Variants in DNAJC5B observed in about 807,000 individuals in gnomAD.
The protein encoded by DNAJC5B is DnaJ heat shock protein family (Hsp40) member C5 beta, also known as dnaJ homolog subfamily C member 5B.
In DNAJC5B, 23 loss-of-function variants were observed where a neutral mutation model predicts 24.7. The observed-to-expected ratio is 0.93, with a 90% CI of 0.67 to 1.32. DNAJC5B has a LOEUF of 1.32. Among genes scored for constraint, DNAJC5B ranks in the 40% most tolerant of loss-of-function variants. The pLI is 0.00. For synonymous variants in DNAJC5B, 101 were observed against 90.1 expected (o/e 1.12, Z -0.68); for missense variants, 238 against 240.8 (o/e 0.99, Z 0.08).
At chr8:66,027,134 G>T (rs1177412369) in intron 1 of DNAJC5B, among the ~76,000 whole-genome samples, 2 of 152,166 alleles carry the variant, frequency 1.3e-5, no homozygotes, top group African/African-American at 4.8e-5. Flanking sequence ...CCAATGCCCT[G>T]TAAGGGTAAA....
intron 2 of DNAJC5B, among the ~76,000 whole-genome samples, chr8:66,047,886 T>C (rs898516301): frequency 6.6e-6 from 1 of 152,158 alleles, no homozygotes; most frequent in African/African-American, 2.4e-5. Flanking sequence ...CTGGTATTCA[T>C]GTATTCATTT....
chr8:66,047,172 G>A (rs565725465), intron 2 of DNAJC5B, among the ~76,000 whole-genome samples: 4 of 152,332 alleles, frequency 2.6e-5, no homozygotes, highest in African/African-American at 4.8e-5. Flanking sequence ...TAGATTAGTC[G>A]AATTTTAACA....
At chr8:66,044,460 G>A (rs1431386872) in intron 2 of DNAJC5B, among the ~76,000 whole-genome samples, 1 of 151,658 alleles carries the variant, frequency 6.6e-6, no homozygotes, top group Admixed American at 6.6e-5. Context: ...ATAGATATAG[G>A]TGAAGCTTCT....
At chr8:66,078,126 C>A (rs6990839) in intron 4 of DNAJC5B, among the ~76,000 whole-genome samples, 48,733 of 152,036 alleles carry the variant, frequency 0.32, 11,710 homozygotes, top group African/African-American at 0.67. Context: ...CTGATGGCAC[C>A]TCAGGGCCTG....
chr8:66,060,482 C>T (rs982623981), intron 3 of DNAJC5B, among the ~76,000 whole-genome samples: 3 of 152,174 alleles, frequency 2.0e-5, no homozygotes, highest in East Asian at 1.9e-4. Context: ...GCCCTAACCC[C>T]GTGCAGTGAA....
chr8:66,027,668 T>A (rs1003565143), intron 1 of DNAJC5B, among the ~76,000 whole-genome samples: 1 of 152,208 alleles, frequency 6.6e-6, no homozygotes, highest in Non-Finnish European at 1.5e-5. Context: ...TTCAAGTATA[T>A]TTAGAATGCA....
chr8:66,041,850 A>G (rs563749090), intron 1 of DNAJC5B, among the ~76,000 whole-genome samples: 1 of 152,332 alleles, frequency 6.6e-6, no homozygotes. Flanking sequence ...GCTTATAGGC[A>G]TGTAATGACG....
intron 5 of DNAJC5B, among the ~76,000 whole-genome samples, chr8:66,097,607 T>G (rs1396648956): frequency 6.6e-6 from 1 of 152,126 alleles, no homozygotes; most frequent in Non-Finnish European, 1.5e-5. Context: ...GCCTGAATTA[T>G]ATCTCTAAAT....
At chr8:66,032,578 C>T (rs1806382523) in intron 1 of DNAJC5B, among the ~76,000 whole-genome samples, 1 of 152,226 alleles carries the variant, frequency 6.6e-6, no homozygotes, top group Non-Finnish European at 1.5e-5. Flanking sequence ...AAACTGCTGT[C>T]CTCAGAGCCA....
rs79224348 is a variant in DNAJC5B at position 66,100,883 on chromosome 8, A to G, written c.*852A>G. ...GTATCACCTCATTTTTGTTAAAATT[A>G]GTTGCCTTGACCAGAAATTGCTCAG... On this transcript the variant is annotated 3_prime_UTR_variant, in exon 6 of 6. Transcript: ENST00000276570. Among the ~76,000 whole-genome samples, 1,554 of 152,322 alleles carry G rather than the reference A, an allele frequency of 0.01. 33 individuals carry two copies. Among genetic ancestry groups the G allele is most frequent in the African/African-American group, 0.036 (1,487 of 41,564 alleles).
chr8:66,037,777 G>A (rs989115922), intron 1 of DNAJC5B, among the ~76,000 whole-genome samples: 33 of 152,242 alleles, frequency 2.2e-4, no homozygotes, highest in African/African-American at 7.2e-4. Flanking sequence ...ATGAGTTGAT[G>A]GCAATTTAGT....
intron 3 of DNAJC5B, among the ~76,000 whole-genome samples, chr8:66,063,806 C>T (rs548160613): frequency 5.9e-5 from 9 of 152,018 alleles, no homozygotes; most frequent in Admixed American, 3.9e-4. Context: ...TAATATGAAC[C>T]CTATGCTCAA....
At chr8:66,061,287 A>C (rs1807075366) in intron 3 of DNAJC5B, among the ~76,000 whole-genome samples, 1 of 152,192 alleles carries the variant, frequency 6.6e-6, no homozygotes, top group African/African-American at 2.4e-5. Flanking sequence ...GAAAGATCCC[A>C]TATCTAAAAA....
rs1807479273 is a variant in DNAJC5B, at chr8:66,076,855, G to A, written c.315G>A (p.Leu105=). ...AAAACGTTAACACCTACTTCATGCTGTCGAGCTGGTGGGCAAAGGTGAAAC... is the reference window on the plus strand; with the variant it reads ...AAAACGTTAACACCTACTTCATGCTATCGAGCTGGTGGGCAAAGGTGAAAC... ...GDENVNTYFM[L]SSWWAKALFV... is the part of the protein sequence containing the mutation. Residue 105 remains leucine (L), a synonymous_variant, in exon 4 of 6, where the codon CTG becomes CTA. Coordinates refer to ENST00000276570, the MANE Select transcript of DNAJC5B (RefSeq NM_033105.6). 1 of 1,614,126 alleles carries A rather than the reference G, an allele frequency of 6.2e-7. No individual in the cohort carries two copies. The highest frequency in any genetic ancestry group is 1.7e-5 in the Admixed American group (1 of 59,998).
intron 3 of DNAJC5B, among the ~76,000 whole-genome samples, chr8:66,072,270 T>C (rs1388745707): frequency 2.0e-5 from 3 of 152,096 alleles, no homozygotes; most frequent in Non-Finnish European, 2.9e-5. Context: ...GCCTAAAATA[T>C]ACAAAACAAA....
chr8:66,073,509 A>ATGTG (rs1444908775), intron 3 of DNAJC5B, among the ~76,000 whole-genome samples: 6 of 148,236 alleles, frequency 4.0e-5, no homozygotes, highest in African/African-American at 1.5e-4. Context: ...GTGTGTGTGT[A>ATGTG]TGTGTGTGTG....
intron 5 of DNAJC5B, among the ~76,000 whole-genome samples, chr8:66,083,635 T>A (rs1296446202): frequency 6.6e-6 from 1 of 152,188 alleles, no homozygotes; most frequent in Admixed American, 6.5e-5. Context: ...TAACATCACC[T>A]CTGGTTTAGA....
chr8:66,044,121 A>G (rs73243214), intron 2 of DNAJC5B, among the ~76,000 whole-genome samples: 1,975 of 152,292 alleles, frequency 0.013, 37 homozygotes, highest in African/African-American at 0.045. Context: ...GGCCAAGAGC[A>G]TTGTTTTCAA....
intron 2 of DNAJC5B, among the ~76,000 whole-genome samples, chr8:66,044,588 T>G (rs1004936496): frequency 2.0e-5 from 3 of 152,094 alleles, no homozygotes. Context: ...CTATTGTCAT[T>G]GGGGGGTTGT....
Sources: gnomAD v4.1 joint callset for allele counts (sites outside exome capture counted in the v4.1 genomes callset) on GRCh38, gnomAD v4.1.1 for gene constraint, MANE v1.5 for transcripts, NCBI Gene and HGNC (gene_info 2026-07-23, HGNC 2026-07-21) for gene names.